CAST: variants seen among roughly 807,000 people sequenced by gnomAD.
CAST encodes MIR583 host.
A neutral mutation model predicts 119.6 loss-of-function variants in CAST; 76 were observed. That is an observed-to-expected ratio of 0.64 (90% CI 0.53 to 0.77). CAST has a LOEUF of 0.77. CAST is among the 30% of genes least tolerant of loss of function. The pLI, the probability that CAST is intolerant of heterozygous loss-of-function variation, is 0.00. For synonymous variants in CAST, 319 were observed against 331.6 expected (o/e 0.96, Z 0.41); for missense variants, 953 against 946.5 (o/e 1.01, Z -0.09).
At chr5:96,311,930 G>A in the CAST span, among the ~76,000 whole-genome samples, 1 of 151,780 alleles carries the variant, frequency 6.6e-6, no homozygotes, top group Non-Finnish European at 1.5e-5. Flanking sequence ...TTATAGGTAA[G>A]GACTTATTAT....
chr5:96,368,467 T>C, the CAST span, among the ~76,000 whole-genome samples: 2 of 148,722 alleles, frequency 1.3e-5, no homozygotes, highest in Non-Finnish European at 3.0e-5. Flanking sequence ...ACCATTACAC[T>C]CTAGCCTGGG....
At chr5:96,599,851 G>T (rs974575231) in intron 1 of CAST, among the ~76,000 whole-genome samples, 5 of 151,856 alleles carry the variant, frequency 3.3e-5, no homozygotes, top group Admixed American at 3.3e-4. Context: ...CCTCACAAGA[G>T]GGAAGTCTTT....
chr5:96,626,720 T>C (rs1393421314), intron 1 of CAST, among the ~76,000 whole-genome samples: 1 of 152,160 alleles, frequency 6.6e-6, no homozygotes, highest in Non-Finnish European at 1.5e-5. Context: ...TTCATGACAG[T>C]TTTTCTCCAA....
At chr5:96,758,985 TA>T (rs1767014152) in intron 24 of CAST, among the ~76,000 whole-genome samples, 1 of 152,118 alleles carries the variant, frequency 6.6e-6, no homozygotes, top group African/African-American at 2.4e-5. Flanking sequence ...TTACAATTGT[TA>T]GGGTTGTTTT....
the CAST span, among the ~76,000 whole-genome samples, chr5:96,405,653 G>A: frequency 1.3e-5 from 2 of 152,092 alleles, no homozygotes; most frequent in Admixed American, 6.6e-5. Context: ...CCTGGGTGAC[G>A]GAGTGAGACA....
At chr5:96,736,551 A>G (rs1341532678) in intron 10 of CAST, among the ~76,000 whole-genome samples, 1 of 152,198 alleles carries the variant, frequency 6.6e-6, no homozygotes, top group Non-Finnish European at 1.5e-5. Context: ...TTACTAAAGA[A>G]GTAAGGTACT....
At chr5:96,347,760 T>G in the CAST span, among the ~76,000 whole-genome samples, 4 of 152,264 alleles carry the variant, frequency 2.6e-5, no homozygotes, top group African/African-American at 9.6e-5. Context: ...GGAAATCCTC[T>G]GAAGGGTCAT....
At chr5:96,543,763 G>T (rs1207232713) in intron 1 of CAST, among the ~76,000 whole-genome samples, 8 of 152,032 alleles carry the variant, frequency 5.3e-5, no homozygotes, top group Non-Finnish European at 1.2e-4. Context: ...GTTTGTTTTT[G>T]TTTGTTTGCA....
At chr5:96,527,797 A>C (rs901273941), upstream of CAST, among the ~76,000 whole-genome samples, 5 of 152,188 alleles carry the variant, frequency 3.3e-5, no homozygotes, top group African/African-American at 1.2e-4. Context: ...CATGGCCATG[A>C]GGTGGGACTA....
rs1746625854 is a variant in CAST at position 96,574,218 on chromosome 5, C to T, written c.60+44338C>T. On this transcript the variant is annotated intron_variant, in intron 1 of 11. Coordinates refer to the CAST transcript ENST00000505143. ...GACTACAGGCGCCCGCCACCGCGCC[C>T]GGCTAATTTTTTGTATTTTTAGTAG... Among the ~76,000 whole-genome samples, 2 of 30,640 alleles carry T rather than the reference C, an allele frequency of 6.5e-5. 1 individual carries two copies. The highest frequency in any genetic ancestry group is 1.0e-4 in the Non-Finnish European group (2 of 19,958). The allele number at this position is 30,640 out of a possible 152,430, so 20.1% of individuals were successfully genotyped here. A position where few individuals can be genotyped will look rare whatever the true frequency, so the allele number is the denominator to read the frequency against.
At chr5:96,222,306 A>C in the CAST span, among the ~76,000 whole-genome samples, 1 of 152,332 alleles carries the variant, frequency 6.6e-6, no homozygotes, top group African/African-American at 2.4e-5. Context: ...AGGAAACATC[A>C]ACAGAGTGAA....
At chr5:96,002,066 G>T in the CAST span, among the ~76,000 whole-genome samples, 399 of 152,310 alleles carry the variant, frequency 2.6e-3, 1 homozygote, top group Non-Finnish European at 4.0e-3. Flanking sequence ...AAAGTTATAA[G>T]AAAATTCAGC....
intron 1 of CAST, among the ~76,000 whole-genome samples, chr5:96,640,750 T>G (rs552104544): frequency 6.6e-6 from 1 of 152,322 alleles, no homozygotes; most frequent in East Asian, 1.9e-4. Flanking sequence ...TTTTTATACC[T>G]GCATCACCTA....
At chr5:96,640,908 G>T (rs1478081899) in intron 1 of CAST, among the ~76,000 whole-genome samples, 2 of 152,148 alleles carry the variant, frequency 1.3e-5, no homozygotes, top group African/African-American at 4.8e-5. Flanking sequence ...TAAAGTCTCC[G>T]TTATTCCTGA....
the CAST span, among the ~76,000 whole-genome samples, chr5:96,409,389 C>T: frequency 1.1e-4 from 16 of 152,216 alleles, no homozygotes; most frequent in Non-Finnish European, 2.2e-4. Context: ...GCTGCGGAAG[C>T]AAGGTTGCCC....
the CAST span, among the ~76,000 whole-genome samples, chr5:96,297,213 G>A: frequency 6.6e-6 from 1 of 152,176 alleles, no homozygotes; most frequent in Non-Finnish European, 1.5e-5. Flanking sequence ...AAAGTTTTGA[G>A]CAGGGAATTA....
intron 2 of CAST, among the ~76,000 whole-genome samples, chr5:96,685,077 A>G (rs539305275): frequency 7.3e-5 from 11 of 151,432 alleles, no homozygotes; most frequent in African/African-American, 2.7e-4. Context: ...TATCAACATT[A>G]TATCATACAA....
intron 1 of CAST, among the ~76,000 whole-genome samples, chr5:96,654,585 C>T (rs1748133032): frequency 6.6e-6 from 1 of 152,134 alleles, no homozygotes. Context: ...TAAAATATAA[C>T]ACAAATATCT....
At chr5:96,421,625 A>G in the CAST span, among the ~76,000 whole-genome samples, 1 of 152,216 alleles carries the variant, frequency 6.6e-6, no homozygotes, top group South Asian at 2.1e-4. Context: ...TAAAGCTACA[A>G]CAGTTCAGTA....
Sources: gnomAD v4.1 joint callset for allele counts (sites outside exome capture counted in the v4.1 genomes callset) on GRCh38, gnomAD v4.1.1 for gene constraint, MANE v1.5 for transcripts, NCBI Gene and HGNC (gene_info 2026-07-23, HGNC 2026-07-21) for gene names.